CD180: variants seen among roughly 807,000 people sequenced by gnomAD.
CD180 encodes the protein CD180 molecule, also known as CD180 antigen.
A neutral mutation model predicts 10.7 loss-of-function variants in CD180; 11 were observed. The ratio of observed to expected loss-of-function variants is 1.03; its 90% CI spans 0.65 to 1.70. The LOEUF (loss-of-function observed/expected upper bound fraction) is 1.70. Among genes scored for constraint, CD180 ranks in the 40% most tolerant of loss-of-function variants. CD180 has a pLI of 0.00. For synonymous variants in CD180, 286 were observed against 294.6 expected (o/e 0.97, Z 0.30); for missense variants, 729 against 775.2 (o/e 0.94, Z 0.71).
In CD180 at chr5:67,194,451, C is replaced by T. The variant is rs559484502; in HGVS notation, c.90+2101G>A. ...GACTCACCCCATCCTGCGGCCTCAC[C>T]CAGAGGTGGACTCAGAACTAAGGAC... On this transcript the variant is annotated intron_variant, in intron 1 of 2. Coordinates refer to ENST00000256447, the MANE Select transcript of CD180 (RefSeq NM_005582.3). Among the ~76,000 whole-genome samples the T allele has an allele frequency of 3.0e-4, 45 of 152,220 alleles. No homozygotes were observed. In the South Asian group the frequency reaches 6.6e-3, roughly 22 times the overall value.
In CD180 at chr5:67,183,108, G is replaced by T. The variant is rs372411044; in HGVS notation, c.1735C>A (p.Leu579Met). Residue 579 changes from leucine to methionine, a missense_variant, in exon 3 of 3, where the codon CTG (leucine) becomes ATG (methionine). Transcript: ENST00000256447. ...QSTINLSHNP[L>M]DCTCSNIHFL... ...TGAATATTCGAGCAAGTGCAGTCCA[G>T]GGGGTTATGACTTAAATTAATGGTG... The T allele has an allele frequency of 6.2e-7, 1 of 1,611,080 alleles. No individual in the cohort carries two copies. The highest frequency in any genetic ancestry group is 8.5e-7 in the Non-Finnish European group (1 of 1,177,964).
In CD180 at chr5:67,181,033, A is replaced by G. The variant is rs1251180652; in HGVS notation, c.*1824T>C. 2.0e-5 allele frequency: 3 copies of G among 147,166 alleles called. No homozygotes were observed. The Admixed American group carries it at 2.1e-4, about 10-fold the overall frequency. The allele number at this position is 147,166 out of a possible 1,614,324, so 9.1% of individuals were successfully genotyped here. On this transcript the variant is annotated 3_prime_UTR_variant, in exon 3 of 3. Coordinates refer to ENST00000256447, the MANE Select transcript of CD180 (RefSeq NM_005582.3). ...ATTATATATATATATACACACACAC[A>G]TACACACACATACACACACACACAC...
chr5:67,187,965 T>C lies in CD180; in HGVS notation c.91-1948A>G, dbSNP rs1440093508. Reference sequence around the variant, plus strand: ...GGTAGGCAGATCACGAGGTCAGGAGTTCAAGACCATCCTGGCCAACATAGC... The same window carrying C: ...GGTAGGCAGATCACGAGGTCAGGAGCTCAAGACCATCCTGGCCAACATAGC... On this transcript the variant is annotated intron_variant, in intron 1 of 2. Transcript: ENST00000256447. Among the ~76,000 whole-genome samples the C allele has an allele frequency of 2.0e-5, 3 of 151,002 alleles. No individual in the cohort carries two copies. In the East Asian group the frequency reaches 5.9e-4, roughly 29 times the overall value.
chr5:67,188,436 G>A (rs1420369864), intron 1 of CD180, among the ~76,000 whole-genome samples: 2 of 152,132 alleles, frequency 1.3e-5, no homozygotes, highest in African/African-American at 4.8e-5. Flanking sequence ...CAGGACCTTG[G>A]GCCAGCTCTC....
At chr5:67,187,829 T>A (rs139822601) in intron 1 of CD180, among the ~76,000 whole-genome samples, 1 of 152,158 alleles carries the variant, frequency 6.6e-6, no homozygotes, top group Non-Finnish European at 1.5e-5. Context: ...GGGAGGTGAT[T>A]GGATCATGAA....
In CD180 at chr5:67,183,908, C is replaced by A. The variant is rs1376501348; in HGVS notation, c.935G>T (p.Gly312Val). 1.9e-6 allele frequency: 3 copies of A among 1,614,112 alleles called. No homozygotes were observed. Among genetic ancestry groups the A allele is most frequent in the Admixed American group, 1.7e-5 (1 of 60,022 alleles). The change falls in exon 3 of 3, where the codon GGG becomes GTG. Residue 312 changes from glycine to valine, a missense_variant. Gly to Val is a moderately radical substitution (Grantham distance 109). Coordinates refer to ENST00000256447, the MANE Select transcript of CD180 (RefSeq NM_005582.3). ...CAGACCCTTCATCCCAGAGGGTAACCCTTTCAAGTGAGTTGCTGTCAGATC... is the reference window on the plus strand; with the variant it reads ...CAGACCCTTCATCCCAGAGGGTAACACTTTCAAGTGAGTTGCTGTCAGATC... ...ELDLTATHLK[G>V]LPSGMKGLNL...
intron 1 of CD180, chr5:67,191,098 A>T (rs1742296654): frequency 6.1e-6 from 6 of 985,326 alleles, no homozygotes; most frequent in Non-Finnish European, 6.0e-6. Flanking sequence ...GTCTCTGAAA[A>T]CAAAACAAAC....
Position 67,183,568 on chromosome 5 carries a change from G to A in CD180, c.1275C>T (p.Leu425=), listed in dbSNP as rs1166806134. ...AFKECPQLEL[L]DLAFTRLHIN... ...TGTGTAAGCGGGTAAATGCCAAATC[G>A]AGGAGTTCTAGCTGAGGACATTCTT... Residue 425 remains leucine, a synonymous_variant, in exon 3 of 3, where the codon CTC becomes CTT. Coordinates refer to ENST00000256447, the MANE Select transcript of CD180 (RefSeq NM_005582.3). The A allele has an allele frequency of 5.0e-6, 8 of 1,614,058 alleles. No individual in the cohort carries two copies. The highest frequency in any genetic ancestry group is 1.3e-5 in the African/African-American group (1 of 74,932).
At chr5:67,193,382 G>A (rs1742344921) in intron 1 of CD180, among the ~76,000 whole-genome samples, 1 of 152,134 alleles carries the variant, frequency 6.6e-6, no homozygotes, top group Admixed American at 6.5e-5. Context: ...TATTCTTTTA[G>A]CCACCCCTCC....
rs758402437 is a variant in CD180, at chr5:67,184,438, C to T, written c.405G>A (p.Thr135=). Residue 135 remains threonine (T), a synonymous_variant, in exon 3 of 3, where the codon ACG becomes ACA. Coordinates refer to ENST00000256447, the MANE Select transcript of CD180 (RefSeq NM_005582.3). ...GAATAAACTCGAGATTGGATATTCCCGTTTGGATTAAGAAAAGATGCTTCA... is the reference window on the plus strand; with the variant it reads ...GAATAAACTCGAGATTGGATATTCCTGTTTGGATTAAGAAAAGATGCTTCA... ...KSLKHLFLIQ[T]GISNLEFIPV... 1.7e-5 allele frequency: 28 copies of T among 1,613,968 alleles called. No homozygotes were observed. The highest frequency in any genetic ancestry group is 6.7e-5 in the Admixed American group (4 of 59,990).
chr5:67,184,122 C>A lies in CD180; in HGVS notation c.721G>T (p.Gly241Cys). Residue 241 changes from glycine to cysteine, a missense_variant, in exon 3 of 3, where the codon GGT (glycine) becomes TGT (cysteine). By Grantham distance (159) the Gly-to-Cys change is radical. Transcript: ENST00000256447. Reference sequence around the variant, plus strand: ...GACTGAGTAGTAGAGTTCTGCAGACCATTGAATATAACAGACAAATTTGGA... The same window carrying A: ...GACTGAGTAGTAGAGTTCTGCAGACAATTGAATATAACAGACAAATTTGGA... ...GTPNLSVIFNGLQNSTTQSLW... is the reference protein window; with the variant it reads ...GTPNLSVIFNCLQNSTTQSLW... The A allele has an allele frequency of 1.2e-6, 2 of 1,614,150 alleles. No individual in the cohort carries two copies. Among genetic ancestry groups the A allele is most frequent in the Non-Finnish European group, 1.7e-6 (2 of 1,180,028 alleles).
chr5:67,183,441 G>A lies in CD180; in HGVS notation c.1402C>T (p.Leu468=). 6.2e-7 allele frequency: 1 copy of A among 1,614,192 alleles called. No homozygotes were observed. Among genetic ancestry groups the A allele is most frequent in the Non-Finnish European group, 8.5e-7 (1 of 1,180,022 alleles). ...DTSNQHLLAG[L]PVLRHLNLKG... ...AAGTTGAGATGCCGGAGAACTGGTAGGCCTGCTAGAAGATGCTGATTGCTG... is the reference window on the plus strand; with the variant it reads ...AAGTTGAGATGCCGGAGAACTGGTAAGCCTGCTAGAAGATGCTGATTGCTG... The change falls in exon 3 of 3, where the codon CTA becomes TTA. Residue 468 remains leucine (L), a synonymous_variant. Transcript: ENST00000256447.
chr5:67,187,304 T>C (rs1206199636), intron 1 of CD180, among the ~76,000 whole-genome samples: 3 of 152,226 alleles, frequency 2.0e-5, no homozygotes, highest in Non-Finnish European at 4.4e-5. Flanking sequence ...TTTCTGTATA[T>C]GTTTAACATT....
intron 2 of CD180, among the ~76,000 whole-genome samples, chr5:67,185,430 A>G (rs1742172409): frequency 6.6e-6 from 1 of 152,210 alleles, no homozygotes; most frequent in Non-Finnish European, 1.5e-5. Flanking sequence ...TTATGCCACT[A>G]TAACAAAATA....
In CD180 at chr5:67,185,953, G is replaced by A. The variant is rs760871418; in HGVS notation, c.155C>T (p.Pro52Leu). ...LGLSEIPDTL[P>L]NTTEFLEFSF... The stretch of plus-strand genomic sequence containing the variant: ...GAATTCCAAAAATTCTGTTGTGTTT[G>A]GTAGAGTGTCAGGGATTTCACTGAG... The change falls in exon 2 of 3, where the codon CCA (proline) becomes CTA (leucine). Residue 52 changes from proline to leucine, a missense_variant. Physicochemically the swap from Pro to Leu is moderately conservative, Grantham distance 98 (BLOSUM62 -3). Transcript: ENST00000256447. 1.2e-6 allele frequency: 2 copies of A among 1,610,690 alleles called. No individual in the cohort carries two copies. The highest frequency in any genetic ancestry group is 1.3e-5 in the African/African-American group (1 of 74,788).
chr5:67,184,154 C>T lies in CD180; in HGVS notation c.689G>A (p.Gly230Glu). ...DSTIFQSLNF[G>E]GTPNLSVIFN... The stretch of plus-strand genomic sequence containing the variant: ...TATAACAGACAAATTTGGAGTTCCT[C>T]CAAAGTTCAAACTTTGGAAGATCGT... Residue 230 changes from glycine (G) to glutamate (E), a missense_variant, in exon 3 of 3, where the codon GGA (glycine) becomes GAA (glutamate). Coordinates refer to ENST00000256447, the MANE Select transcript of CD180 (RefSeq NM_005582.3). 1 of 1,614,106 alleles carries T rather than the reference C, an allele frequency of 6.2e-7. No individual in the cohort carries two copies. The highest frequency in any genetic ancestry group is 8.5e-7 in the Non-Finnish European group (1 of 1,179,992).
rs1742009168 is a variant in CD180, at chr5:67,180,109, C to T, written c.*2748G>A. Reference sequence around the variant, plus strand: ...TTTACTGTTGCTTAAAACAGAGGAGCTGTCACAAAGCCTTAGATCAGTTAC... The same window carrying T: ...TTTACTGTTGCTTAAAACAGAGGAGTTGTCACAAAGCCTTAGATCAGTTAC... On this transcript the variant is annotated 3_prime_UTR_variant, in exon 3 of 3. Transcript: ENST00000256447. The T allele has an allele frequency of 6.6e-6, 1 of 152,248 alleles. No individual in the cohort carries two copies. Among genetic ancestry groups the T allele is most frequent in the Admixed American group, 6.5e-5 (1 of 15,278 alleles). 9.4% of individuals were successfully genotyped at this position (152,248 alleles called of 1,614,324 possible).
intron 1 of CD180, among the ~76,000 whole-genome samples, chr5:67,195,144 A>G (rs771674851): frequency 5.8e-4 from 88 of 152,026 alleles, no homozygotes; most frequent in Non-Finnish European, 1.0e-3. Flanking sequence ...TGAGACAATC[A>G]ATTTCTCTTG....
At position 67,184,594 on chromosome 5, in the gene CD180, GA is replaced by G; in HGVS notation, c.258-10del. ...TCCAGTTAATCTGGCACCTTGAAAAGATAATCGTATTTAACAATAATTCATT... is the reference window on the plus strand; with the variant it reads ...TCCAGTTAATCTGGCACCTTGAAAAGTAATCGTATTTAACAATAATTCATT... On this transcript the variant is annotated splice_polypyrimidine_tract_variant and intron_variant, in intron 2 of 2. Transcript: ENST00000256447. The G allele has an allele frequency of 6.4e-7, 1 of 1,569,964 alleles. No individual in the cohort carries two copies. The highest frequency in any genetic ancestry group is 1.4e-5 in the African/African-American group (1 of 73,548).
Sources: allele counts gnomAD v4.1 joint callset (sites outside exome capture counted in the v4.1 genomes callset), GRCh38; gene constraint gnomAD v4.1.1; transcripts MANE v1.5; gene names NCBI Gene and HGNC (gene_info 2026-07-23, HGNC 2026-07-21).